The following MYH9 variants were observed in gnomAD, a reference collection of about 807,000 sequenced individuals.
MYH9 encodes myosin heavy chain 9.
MYH9 carries 29 observed loss-of-function variants against 241.9 expected under a neutral mutation model. That is an observed-to-expected ratio of 0.12 (90% CI 0.09 to 0.16). The LOEUF is 0.16. Ranked by LOEUF, MYH9 falls within the 10% of genes least tolerant of loss-of-function variation. The pLI is 1.00. For missense variants in MYH9, 1,803 were observed against 2,595.5 expected, an observed-to-expected ratio of 0.69 and a Z score of 6.63; for synonymous variants, 1,047 against 1,062.6, an observed-to-expected ratio of 0.99 and a Z score of 0.29.
rs954438480 is a variant in MYH9 at position 36,330,112 on chromosome 22, C to G, written c.491-2624G>C. On this transcript the variant is annotated intron_variant, in intron 3 of 40. Coordinates refer to ENST00000216181, the MANE Select transcript of MYH9 (RefSeq NM_002473.6). The surrounding 1 kb of genome is among the most constrained non-coding windows in gnomAD (Gnocchi z 4.5). ...AACCCCAGAGCCAAATTCAGTGTCT[C>G]CTCTCCATCCACCCGAGCGTCCCTA... Among the ~76,000 whole-genome samples, 9 of 152,240 alleles carry G rather than the reference C, an allele frequency of 5.9e-5. No homozygotes were observed. Among genetic ancestry groups the G allele is most frequent in the Non-Finnish European group, 1.3e-4 (9 of 68,044 alleles).
intron 3 of MYH9, among the ~76,000 whole-genome samples, chr22:36,337,663 G>A (rs919408381): frequency 6.6e-5 from 10 of 152,186 alleles, no homozygotes; most frequent in African/African-American, 2.4e-4. Flanking sequence ...TAAAGAAAAA[G>A]CACAAAAGGA....
Position 36,288,663 on chromosome 22 carries a change from C to T in MYH9, c.4770+64G>A. ...ACACAATCCAGGTGGAAGGAGAGAA[C>T]AGAAGCCTGCGTGAAGCCAAGGCAG... On this transcript the variant is annotated intron_variant, in intron 33 of 40. Transcript: ENST00000216181. This position sits in a 1 kb window ranked among gnomAD's most constrained non-coding sequence, Gnocchi z 4.8. 1 of 1,577,110 alleles carries T rather than the reference C, an allele frequency of 6.3e-7. No homozygotes were observed. Among genetic ancestry groups the T allele is most frequent in the Non-Finnish European group, 8.6e-7 (1 of 1,160,368 alleles).
chr22:36,369,581 C>G (rs929537332), intron 1 of MYH9, among the ~76,000 whole-genome samples: 1 of 152,190 alleles, frequency 6.6e-6, no homozygotes, highest in Admixed American at 6.5e-5. Flanking sequence ...CCAGCCTTCA[C>G]CTGCTGTCTA....
chr22:36,384,679 A>G (rs1020381419), intron 1 of MYH9, among the ~76,000 whole-genome samples: 1 of 124,180 alleles, frequency 8.1e-6, no homozygotes, highest in Admixed American at 9.8e-5. Context: ...GGCCATGTAC[A>G]TACCTTATTT....
chr22:36,354,956 AAC>A (rs136203), intron 1 of MYH9, among the ~76,000 whole-genome samples: 10,687 of 123,538 alleles, frequency 0.087, 522 homozygotes, highest in Admixed American at 0.16. Context: ...CAAAAAACAA[AAC>A]ACACACACAC....
intron 19 of MYH9, among the ~76,000 whole-genome samples, chr22:36,303,605 G>A (rs2016919924): frequency 1.3e-5 from 2 of 151,754 alleles, no homozygotes; most frequent in Admixed American, 6.6e-5. Context: ...CAACAATGAC[G>A]AAACCCCGTC....
At chr22:36,291,906 CTT>C (rs750966824) in intron 31 of MYH9, 78 bp downstream of exon 31, 1 of 1,605,090 alleles carries the variant, frequency 6.2e-7, no homozygotes, top group Non-Finnish European at 8.5e-7. Context: ...GGAGCCCAGG[CTT>C]TCTCTGATGG....
Position 36,305,202 on chromosome 22 carries a change from G to C in MYH9, c.2160-100C>G, listed in dbSNP as rs529081826. 5.7e-6 allele frequency: 6 copies of C among 1,055,732 alleles called. No individual in the cohort carries two copies. In the East Asian group the frequency reaches 1.5e-4, roughly 26 times the overall value. 65.4% of individuals were successfully genotyped at this position (1,055,732 alleles called of 1,614,324 possible). A position where few individuals can be genotyped will look rare whatever the true frequency, so the allele number is the denominator to read the frequency against. On this transcript the variant is annotated intron_variant, in intron 17 of 40. Transcript: ENST00000216181. This position sits in a 1 kb window ranked among gnomAD's most constrained non-coding sequence, Gnocchi z 4.7. Reference sequence around the variant, plus strand: ...TTAACATCATTTCTACAATGCAACAGACACAGAATTCTTTACACAAACTCT... The same window carrying C: ...TTAACATCATTTCTACAATGCAACACACACAGAATTCTTTACACAAACTCT...
chr22:36,284,543 C>T (rs1382503953), intron 38 of MYH9, 32 bp from the exon 39 acceptor site: 1 of 1,600,782 alleles, frequency 6.2e-7, no homozygotes, highest in Non-Finnish European at 8.5e-7. Flanking sequence ...TCAGAGGGAA[C>T]ACCCTCCTTC....
chr22:36,354,739 C>T (rs1357545899), intron 1 of MYH9, among the ~76,000 whole-genome samples: 1 of 151,914 alleles, frequency 6.6e-6, no homozygotes, highest in Non-Finnish European at 1.5e-5. Context: ...CCACCGCACC[C>T]GGCCGTAGTG....
chr22:36,322,315 G>T (rs190941385), intron 6 of MYH9, 114 bp downstream of exon 6: 2 of 1,168,526 alleles, frequency 1.7e-6, no homozygotes, highest in Admixed American at 3.5e-5. Context: ...AGATAGCACC[G>T]AGTCTGAACC....
intron 4 of MYH9, 45 bp downstream of exon 4, chr22:36,327,416 A>C (rs2017353196): frequency 6.2e-7 from 1 of 1,611,904 alleles, no homozygotes; most frequent in Admixed American, 1.7e-5. Context: ...GAATGAGAAC[A>C]GACTGGGGTG....
Position 36,293,906 on chromosome 22 carries a change from C to G in MYH9, c.3838-43G>C, listed in dbSNP as rs1300044728. 6.4e-7 allele frequency: 1 copy of G among 1,562,908 alleles called. No homozygotes were observed. The highest frequency in any genetic ancestry group is 1.7e-5 in the Admixed American group (1 of 57,178). ...ACACAAAGGACCATGGACCCACCCC[C>G]ACTGCTCCTGCCCCACCTCATCTCC... is the stretch of plus-strand genomic sequence containing the variant. On this transcript the variant is annotated intron_variant, in intron 28 of 40. Transcript: ENST00000216181. This position sits in a 1 kb window ranked among gnomAD's most constrained non-coding sequence, Gnocchi z 5.1.
Position 36,282,734 on chromosome 22 carries a change from G to A in MYH9, c.5817C>T (p.Ala1939=), listed in dbSNP as rs537608045. 3.0e-5 allele frequency: 49 copies of A among 1,613,786 alleles called. No homozygotes were observed. In the East Asian group the frequency reaches 5.3e-4, roughly 18 times the overall value. The change falls in exon 41 of 41, where the codon GCC becomes GCT. Residue 1939 remains alanine, a synonymous_variant. Transcript: ENST00000216181. Reference sequence around the variant, plus strand: ...CTACCTCTTCGTCGGAGCCATCCCCGGCGCCTTTCCGGGCCATTCGGCGGG... The same window carrying A: ...CTACCTCTTCGTCGGAGCCATCCCCAGCGCCTTTCCGGGCCATTCGGCGGG... ...VVPRRMARKG[A]GDGSDEEVDG... is the part of the protein sequence containing the mutation.
At chr22:36,284,605 A>C (rs935744835) in intron 38 of MYH9, 94 bp from the exon 39 acceptor site, 7 of 1,214,942 alleles carry the variant, frequency 5.8e-6, no homozygotes, top group Middle Eastern at 3.8e-4. Flanking sequence ...CCCGGGGCTC[A>C]CTGGCATCTA....
chr22:36,310,206 G>T (rs2017039032), intron 14 of MYH9, among the ~76,000 whole-genome samples: 2 of 150,744 alleles, frequency 1.3e-5, no homozygotes, highest in South Asian at 2.1e-4. Context: ...GGAGACGGAG[G>T]TTGCAGTGAG....
intron 21 of MYH9, 141 bp downstream of exon 21, chr22:36,301,393 C>T: frequency 2.6e-6 from 3 of 1,141,238 alleles, no homozygotes; most frequent in East Asian, 2.5e-5. Flanking sequence ...AGACTGGTCA[C>T]TGTTTACAGT....
At chr22:36,352,555 A>G (rs2017783035) in intron 1 of MYH9, among the ~76,000 whole-genome samples, 1 of 152,182 alleles carries the variant, frequency 6.6e-6, no homozygotes, top group South Asian at 2.1e-4. Context: ...CTGGAGGGTC[A>G]CAAACATCAC....
rs528829399 is a variant in MYH9, at chr22:36,288,024, T to C, written c.4932+228A>G. 2.6e-5 allele frequency among the ~76,000 whole-genome samples: 4 copies of C among 152,354 alleles called. No individual in the cohort carries two copies. In the South Asian group the frequency reaches 8.3e-4, roughly 32 times the overall value. On this transcript the variant is annotated intron_variant, in intron 34 of 40. Coordinates refer to ENST00000216181, the MANE Select transcript of MYH9 (RefSeq NM_002473.6). The surrounding 1 kb of genome is among the most constrained non-coding windows in gnomAD (Gnocchi z 4.8). ...TGTACTTGTTTGCTTCTGTGTTTTA[T>C]GTACCCAGTCATACACCGTTTTGCA...
Sources: allele counts gnomAD v4.1 joint callset (sites outside exome capture counted in the v4.1 genomes callset), GRCh38; gene constraint gnomAD v4.1.1; non-coding constraint Gnocchi (gnomAD v3.1); transcripts MANE v1.5; gene names NCBI Gene and HGNC (gene_info 2026-07-23, HGNC 2026-07-21).